The following DISP3 variants were observed in gnomAD, a reference collection of about 807,000 sequenced individuals.
DISP3 encodes dispatched RND transporter family member 3.
In DISP3, 101 loss-of-function variants were observed where a neutral mutation model predicts 135.3. That is an observed-to-expected ratio of 0.75 (90% confidence interval 0.64 to 0.88). The LOEUF is 0.88. Ranked by LOEUF, DISP3 falls within the 40% of genes least tolerant of loss-of-function variation. The pLI is 0.00. For synonymous variants in DISP3, 856 were observed against 817.0 expected, an observed-to-expected ratio of 1.05 and a Z score of -0.81; for missense variants, 1,713 against 1,878.6, an observed-to-expected ratio of 0.91 and a Z score of 1.63.
rs1464286207 is a variant in DISP3 at position 11,491,639 on chromosome 1, C to G, written c.-3-9351C>G. ...ACAAACAAACAAAACAAAACAAAAC[C>G]CGGATTCCTGGGCCCCACCTCCTCT... On this transcript the variant is annotated intron_variant, in intron 1 of 20. Coordinates refer to ENST00000294484, the MANE Select transcript of DISP3 (RefSeq NM_020780.2). The surrounding 1 kb of genome is among the most constrained non-coding windows in gnomAD (Gnocchi z 4.3). Among the ~76,000 whole-genome samples the G allele has an allele frequency of 6.6e-6, 1 of 151,806 alleles. No individual in the cohort carries two copies. The highest frequency in any genetic ancestry group is 1.5e-5 in the Non-Finnish European group (1 of 67,954).
In DISP3 at chr1:11,516,280, T is replaced by C; in HGVS notation, c.1749+119T>C. 8.1e-7 allele frequency: 1 copy of C among 1,239,812 alleles called. No individual in the cohort carries two copies. The highest frequency in any genetic ancestry group is 1.1e-6 in the Non-Finnish European group (1 of 902,098). 76.8% of individuals were successfully genotyped at this position (1,239,812 alleles called of 1,614,324 possible). A position where few individuals can be genotyped will look rare whatever the true frequency, so the allele number is the denominator to read the frequency against. ...CCATATAGCCTTCACCTCAAGGTAC[T>C]TGCCCTGGCTCTAGAGTTCATTTTT... On this transcript the variant is annotated intron_variant, in intron 6 of 20. Transcript: ENST00000294484. The surrounding 1 kb of genome is among the most constrained non-coding windows in gnomAD (Gnocchi z 5.1).
At position 11,502,670 on chromosome 1, in the gene DISP3, C is replaced by T. The variant is rs771779624; in HGVS notation, c.1097-8C>T. On this transcript the variant is annotated splice_region_variant and splice_polypyrimidine_tract_variant and intron_variant, in intron 2 of 20. Coordinates refer to ENST00000294484, the MANE Select transcript of DISP3 (RefSeq NM_020780.2). ...GAACTCTTGGGGCCCCCACCCCTGT[C>T]CTTGCAGGCTCCCTGGAGCTGGCCA... The T allele has an allele frequency of 6.2e-7, 1 of 1,612,462 alleles. No homozygotes were observed. The highest frequency in any genetic ancestry group is 1.7e-5 in the Admixed American group (1 of 59,928).
chr1:11,531,440 C>A lies in DISP3; in HGVS notation c.3230-125C>A, dbSNP rs562825959. Reference sequence around the variant, plus strand: ...AATGCATGTTGTAGGTTTCCCAATGCCGTTGCCAATGGTTACAAGCACTCT... The same window carrying A: ...AATGCATGTTGTAGGTTTCCCAATGACGTTGCCAATGGTTACAAGCACTCT... On this transcript the variant is annotated intron_variant, in intron 16 of 20. Coordinates refer to ENST00000294484, the MANE Select transcript of DISP3 (RefSeq NM_020780.2). The surrounding 1 kb of genome is among the most constrained non-coding windows in gnomAD (Gnocchi z 5.2). 3 of 1,358,112 alleles carry A rather than the reference C, an allele frequency of 2.2e-6. No individual in the cohort carries two copies. In the East Asian group the frequency reaches 7.2e-5, roughly 32 times the overall value. 84.1% of individuals were successfully genotyped at this position (1,358,112 alleles called of 1,614,324 possible). A position where few individuals can be genotyped will look rare whatever the true frequency, so the allele number is the denominator to read the frequency against.
At chr1:11,512,834 G>C (rs370193371) in intron 3 of DISP3, among the ~76,000 whole-genome samples, 1 of 152,142 alleles carries the variant, frequency 6.6e-6, no homozygotes, top group East Asian at 1.9e-4. Context: ...TTACAGTTCC[G>C]CATGGCTGGG....
intron 1 of DISP3, among the ~76,000 whole-genome samples, chr1:11,496,370 GAGAGAC>G (rs879262371): frequency 1.3e-5 from 2 of 152,128 alleles, no homozygotes; most frequent in Admixed American, 6.5e-5. Flanking sequence ...ATGTGTGAGA[GAGAGAC>G]AGAGACAGAG....
At chr1:11,525,396 C>A (rs1642384916) in intron 12 of DISP3, 84 bp downstream of exon 12, 2 of 1,462,708 alleles carry the variant, frequency 1.4e-6, no homozygotes, top group East Asian at 2.4e-5. Context: ...GCAGCCCTGG[C>A]CAATAGGGAG....
intron 3 of DISP3, among the ~76,000 whole-genome samples, chr1:11,512,635 G>C (rs997174449): frequency 1.3e-5 from 2 of 152,136 alleles, no homozygotes; most frequent in African/African-American, 4.8e-5. Context: ...ACATTTTCCT[G>C]TCTTCTTTTG....
intron 1 of DISP3, among the ~76,000 whole-genome samples, chr1:11,489,057 T>C (rs1032145128): frequency 3.9e-5 from 6 of 152,218 alleles, no homozygotes; most frequent in African/African-American, 1.2e-4. Context: ...TTTCATCTGC[T>C]GCTGGTCTCC....
At position 11,516,549 on chromosome 1, in the gene DISP3, C is replaced by G. The variant is rs1457667027; in HGVS notation, c.1749+388C>G. Among the ~76,000 whole-genome samples, 1 of 152,218 alleles carries G rather than the reference C, an allele frequency of 6.6e-6. No homozygotes were observed. Among genetic ancestry groups the G allele is most frequent in the Non-Finnish European group, 1.5e-5 (1 of 68,042 alleles). ...GTAAAGTGACTTCCTCAGGATCACACAGCAGATAAGTGAGAAGCCTGACCA... is the reference window on the plus strand; with the variant it reads ...GTAAAGTGACTTCCTCAGGATCACAGAGCAGATAAGTGAGAAGCCTGACCA... On this transcript the variant is annotated intron_variant, in intron 6 of 20. Transcript: ENST00000294484. This position sits in a 1 kb window ranked among gnomAD's most constrained non-coding sequence, Gnocchi z 5.1.
chr1:11,503,297 GA>G (rs1418282675), intron 3 of DISP3, among the ~76,000 whole-genome samples: 2 of 152,200 alleles, frequency 1.3e-5, no homozygotes, highest in African/African-American at 4.8e-5. Flanking sequence ...GGATATGTGA[GA>G]GGAGATTTAT....
At chr1:11,493,436 A>T (rs1449247118) in intron 1 of DISP3, among the ~76,000 whole-genome samples, 1 of 152,192 alleles carries the variant, frequency 6.6e-6, no homozygotes, top group Non-Finnish European at 1.5e-5. Flanking sequence ...TGCTGATCTT[A>T]TCTGGAGGCT....
At chr1:11,523,908 G>A (rs1557616581) in intron 10 of DISP3, 34 bp from the exon 11 acceptor site, 1 of 1,567,072 alleles carries the variant, frequency 6.4e-7, no homozygotes, top group Non-Finnish European at 8.8e-7. Flanking sequence ...ATGTCCTGCT[G>A]TCCTGCTGTC....
chr1:11,533,925 C>A, intron 17 of DISP3: 3 of 709,604 alleles, frequency 4.2e-6, no homozygotes, highest in Admixed American at 2.0e-5. Flanking sequence ...ATTCACAGTC[C>A]CACCTGCCAG....
intron 17 of DISP3, chr1:11,533,836 C>T: frequency 1.4e-6 from 1 of 717,850 alleles, no homozygotes; most frequent in Non-Finnish European, 2.6e-6. Context: ...GGGTGAGTGC[C>T]TATTTCTCTC....
chr1:11,489,600 C>T (rs1213558879), intron 1 of DISP3, among the ~76,000 whole-genome samples: 2 of 152,232 alleles, frequency 1.3e-5, no homozygotes, highest in African/African-American at 4.8e-5. Flanking sequence ...CTTGCTCTGC[C>T]TCAGTCTGAT....
At position 11,520,956 on chromosome 1, in the gene DISP3, G is replaced by C; in HGVS notation, c.2362+108G>C. ...GGGTCCCCATCAATGCCAGACCTCA[G>C]GCAAATCCCACTCCCCTCTGAGCCC... On this transcript the variant is annotated intron_variant, in intron 10 of 20. Transcript: ENST00000294484. The surrounding 1 kb of genome is among the most constrained non-coding windows in gnomAD (Gnocchi z 4.8). 1.5e-6 allele frequency: 2 copies of C among 1,295,772 alleles called. No homozygotes were observed. Among genetic ancestry groups the C allele is most frequent in the Non-Finnish European group, 2.1e-6 (2 of 961,886 alleles). The allele number at this position is 1,295,772 out of a possible 1,614,324, so 80.3% of individuals were successfully genotyped here.
Position 11,535,495 on chromosome 1 carries a change from G to T in DISP3, c.3667G>T (p.Val1223Leu). ...CCTTGCAGGCATCGTGTGCCTGGTG[G>T]TGACCATCATGTACTGGAGCGGCTG... The part of the protein sequence containing the change: ...LSILGIVCLV[V>L]TIMYWSGWEM... The change falls in exon 20 of 21, where the codon GTG becomes TTG. Residue 1223 changes from valine (V) to leucine (L), a missense_variant. Physicochemically the swap from Val to Leu is conservative, Grantham distance 32. Coordinates refer to ENST00000294484, the MANE Select transcript of DISP3 (RefSeq NM_020780.2). 20 of 1,611,504 alleles carry T rather than the reference G, an allele frequency of 1.2e-5. No individual in the cohort carries two copies. Among genetic ancestry groups the T allele is most frequent in the Non-Finnish European group, 1.7e-5 (20 of 1,179,050 alleles).
In DISP3 at chr1:11,491,226, CAG is replaced by C. The variant is rs897434678; in HGVS notation, c.-3-9763_-3-9762del. Among the ~76,000 whole-genome samples, 119 of 152,274 alleles carry C rather than the reference CAG, an allele frequency of 7.8e-4. 1 individual carries two copies. The highest frequency in any genetic ancestry group is 3.4e-3 in the Middle Eastern group (1 of 294). ...AGTTGCTGGAGGGAGCCACTGGGAACAGGGGAGGATGACCAGGGCAGCAGGGG... is the reference window on the plus strand; with the variant it reads ...AGTTGCTGGAGGGAGCCACTGGGAACGGGAGGATGACCAGGGCAGCAGGGG... On this transcript the variant is annotated intron_variant, in intron 1 of 20. Coordinates refer to ENST00000294484, the MANE Select transcript of DISP3 (RefSeq NM_020780.2). The surrounding 1 kb of genome is among the most constrained non-coding windows in gnomAD (Gnocchi z 4.3).
At chr1:11,493,422 C>A in intron 1 of DISP3, among the ~76,000 whole-genome samples, 1 of 152,186 alleles carries the variant, frequency 6.6e-6, no homozygotes, top group East Asian at 1.9e-4. Flanking sequence ...ACTCTGTGTA[C>A]TGATGCTGAT....
Sources: allele counts gnomAD v4.1 joint callset (sites outside exome capture counted in the v4.1 genomes callset), GRCh38; gene constraint gnomAD v4.1.1; non-coding constraint Gnocchi (gnomAD v3.1); transcripts MANE v1.5; gene names NCBI Gene and HGNC (gene_info 2026-07-23, HGNC 2026-07-21).